Variants in GPD2 observed in about 807,000 individuals in gnomAD.
GPD2 encodes glycerol-3-phosphate dehydrogenase, mitochondrial.
Under a neutral mutation model 82.4 loss-of-function variants are expected in GPD2, and 54 were observed. The observed-to-expected ratio is 0.66, with a 90% confidence interval of 0.53 to 0.82. The LOEUF (loss-of-function observed/expected upper bound fraction) is 0.82, where lower values mean the gene tolerates loss of function less well. GPD2 is among the 40% of genes least tolerant of loss of function. The pLI is 0.00. For synonymous variants in GPD2, 288 were observed against 306.1 expected, an observed-to-expected ratio of 0.94 and a Z score of 0.62; for missense variants, 748 against 896.2, an observed-to-expected ratio of 0.83 and a Z score of 2.11.
At chr2:156,581,999 A>C (rs765869682) in intron 16 of GPD2, among the ~76,000 whole-genome samples, 1 of 151,916 alleles carries the variant, frequency 6.6e-6, no homozygotes, top group South Asian at 2.1e-4. Context: ...ATGTGTGTGC[A>C]TGTGTGTATA....
intron 6 of GPD2, among the ~76,000 whole-genome samples, chr2:156,544,867 A>G (rs1034441687): frequency 1.3e-5 from 2 of 152,144 alleles, no homozygotes; most frequent in African/African-American, 4.8e-5. Context: ...TCTCCACAAT[A>G]TCTTTTAAGA....
At chr2:156,509,315 A>G (rs932742057) in intron 3 of GPD2, among the ~76,000 whole-genome samples, 3 of 151,646 alleles carry the variant, frequency 2.0e-5, no homozygotes, top group Non-Finnish European at 2.9e-5. Context: ...TTATGATGAC[A>G]TTTGGGTACG....
intron 1 of GPD2, among the ~76,000 whole-genome samples, chr2:156,446,109 T>A (rs1682360027): frequency 6.6e-6 from 1 of 151,724 alleles, no homozygotes; most frequent in Non-Finnish European, 1.5e-5. Context: ...ACACACTTAT[T>A]TTTTTTGAGA....
At chr2:156,449,241 A>G (rs955366648) in intron 1 of GPD2, among the ~76,000 whole-genome samples, 63 of 152,198 alleles carry the variant, frequency 4.1e-4, no homozygotes, top group Admixed American at 3.7e-3. Flanking sequence ...AACCTACTGC[A>G]GTGAAGGGCT....
chr2:156,477,649 T>C (rs1360238006), intron 2 of GPD2, among the ~76,000 whole-genome samples: 1 of 152,308 alleles, frequency 6.6e-6, no homozygotes, highest in East Asian at 1.9e-4. Flanking sequence ...TATGTTGCAG[T>C]TTTTATTTTT....
At chr2:156,421,142 C>T in the GPD2 span, among the ~76,000 whole-genome samples, 2 of 152,140 alleles carry the variant, frequency 1.3e-5, no homozygotes, top group Non-Finnish European at 2.9e-5. Flanking sequence ...ATCACTAATA[C>T]AGGAACCACC....
chr2:156,436,888 A>G (rs193110341), intron 1 of GPD2, among the ~76,000 whole-genome samples: 1 of 151,980 alleles, frequency 6.6e-6, no homozygotes, highest in East Asian at 1.9e-4. Flanking sequence ...TCTTTGAGAA[A>G]CTCAGCTGCT....
intron 8 of GPD2, among the ~76,000 whole-genome samples, chr2:156,556,094 A>G (rs1000787985): frequency 1.3e-5 from 2 of 152,156 alleles, no homozygotes; most frequent in African/African-American, 4.8e-5. Context: ...TTTTTTACAC[A>G]GTTGTTACCC....
At chr2:156,469,460 C>T (rs961876456) in intron 1 of GPD2, among the ~76,000 whole-genome samples, 1 of 152,242 alleles carries the variant, frequency 6.6e-6, no homozygotes, top group African/African-American at 2.4e-5. Context: ...CCACTGTGCC[C>T]GGCCTGATCT....
At chr2:156,403,114 C>CAA in the GPD2 span, among the ~76,000 whole-genome samples, 491 of 67,866 alleles carry the variant, frequency 7.2e-3, 15 homozygotes, top group African/African-American at 0.026. Flanking sequence ...GCCCCTGTCT[C>CAA]AAAAAAAAAA....
the GPD2 span, among the ~76,000 whole-genome samples, chr2:156,427,482 G>A: frequency 6.6e-5 from 10 of 152,210 alleles, no homozygotes; most frequent in East Asian, 1.7e-3. Flanking sequence ...AAATAAAATG[G>A]TCCAGGCATC....
the GPD2 span, among the ~76,000 whole-genome samples, chr2:156,403,612 G>GGTGTGT: frequency 1.6e-3 from 237 of 147,998 alleles, no homozygotes; most frequent in East Asian, 8.3e-3. Flanking sequence ...GCATTCAAAG[G>GGTGTGT]GTGTGTGTGT....
At chr2:156,524,362 G>A (rs937296722) in intron 6 of GPD2, among the ~76,000 whole-genome samples, 3 of 152,182 alleles carry the variant, frequency 2.0e-5, no homozygotes, top group African/African-American at 7.2e-5. Flanking sequence ...GAGGATGGAT[G>A]GGCTCAGCTG....
intron 1 of GPD2, among the ~76,000 whole-genome samples, chr2:156,441,183 C>T (rs1558899618): frequency 6.6e-6 from 1 of 152,276 alleles, no homozygotes; most frequent in African/African-American, 2.4e-5. Context: ...ACCCCTTCTC[C>T]CATTTCTTGC....
chr2:156,455,598 T>C (rs1364508720), intron 1 of GPD2, among the ~76,000 whole-genome samples: 1 of 152,252 alleles, frequency 6.6e-6, no homozygotes, highest in Non-Finnish European at 1.5e-5. Context: ...TGTTGTCTTA[T>C]ACCATTATGT....
At chr2:156,406,013 T>C in the GPD2 span, among the ~76,000 whole-genome samples, 3 of 151,892 alleles carry the variant, frequency 2.0e-5, no homozygotes, top group Admixed American at 1.3e-4. Context: ...ACAGAAATAG[T>C]TCATATAATA....
At chr2:156,449,255 T>A (rs1418203943) in intron 1 of GPD2, among the ~76,000 whole-genome samples, 1 of 152,096 alleles carries the variant, frequency 6.6e-6, no homozygotes, top group East Asian at 1.9e-4. Context: ...AAGGGCTGGA[T>A]CCTATAGGTC....
intron 1 of GPD2, among the ~76,000 whole-genome samples, chr2:156,452,858 A>G (rs182826368): frequency 1.5e-4 from 23 of 152,326 alleles, no homozygotes; most frequent in African/African-American, 4.8e-4. Flanking sequence ...TTTTATTAGT[A>G]AAAGGAAGGA....
At chr2:156,416,196 C>A in the GPD2 span, among the ~76,000 whole-genome samples, 1 of 151,192 alleles carries the variant, frequency 6.6e-6, no homozygotes, top group African/African-American at 2.4e-5. Flanking sequence ...ATGTATATAC[C>A]ACAGTCTCAT....
Sources: allele counts gnomAD v4.1 joint callset (sites outside exome capture counted in the v4.1 genomes callset), GRCh38; gene constraint gnomAD v4.1.1; transcripts MANE v1.5; gene names NCBI Gene and HGNC (gene_info 2026-07-23, HGNC 2026-07-21).